The following NXPH1 variants were observed in gnomAD, a reference collection of about 807,000 sequenced individuals.
NXPH1 encodes the protein neurexophilin-1.
In NXPH1, 5 loss-of-function variants were observed where a neutral mutation model predicts 23.7. The ratio of observed to expected loss-of-function variants is 0.21; its 90% CI spans 0.11 to 0.44. The LOEUF is 0.44. Ranked by LOEUF, NXPH1 falls within the 20% of genes least tolerant of loss-of-function variation. The probability of loss-of-function intolerance (pLI) is 0.99; values close to 1 mark genes in which losing one functional copy is unlikely to be tolerated. For synonymous variants in NXPH1, 144 were observed against 122.2 expected, an observed-to-expected ratio of 1.18 and a Z score of -1.18; for missense variants, 324 against 321.6, an observed-to-expected ratio of 1.01 and a Z score of -0.06.
At chr7:8,735,732 C>G (rs1189638182) in intron 2 of NXPH1, among the ~76,000 whole-genome samples, 2 of 152,084 alleles carry the variant, frequency 1.3e-5, no homozygotes, top group Admixed American at 1.3e-4. Flanking sequence ...CTCTTTGTAC[C>G]TCGGTAGAAT....
intron 2 of NXPH1, among the ~76,000 whole-genome samples, chr7:8,542,783 A>T (rs925237335): frequency 2.0e-5 from 3 of 151,512 alleles, no homozygotes; most frequent in African/African-American, 7.3e-5. Context: ...ATTATGTTAG[A>T]TTATGCAAAA....
intron 2 of NXPH1, among the ~76,000 whole-genome samples, chr7:8,675,475 A>C (rs977969756): frequency 2.0e-5 from 3 of 151,986 alleles, no homozygotes; most frequent in Admixed American, 2.0e-4. Context: ...CTTTTTTCTT[A>C]AAGTTGATGA....
At chr7:8,623,684 T>TATTTTTTTTTTTTCTTTCTCTGCCCC (rs879750283) in intron 2 of NXPH1, among the ~76,000 whole-genome samples, 105 of 150,146 alleles carry the variant, frequency 7.0e-4, no homozygotes, top group African/African-American at 9.1e-4. Flanking sequence ...AAGTTCTTAT[T>TATTTTTTTTTTTTCTTTCTCTGCCCC]TTTAAGAGAT....
At chr7:8,471,513 T>C (rs1816871572) in intron 2 of NXPH1, among the ~76,000 whole-genome samples, 1 of 152,144 alleles carries the variant, frequency 6.6e-6, no homozygotes, top group African/African-American at 2.4e-5. Flanking sequence ...GCTTTGGAAA[T>C]GGGTTGTAAA....
rs1816309653 is a variant in NXPH1 at position 8,442,030 on chromosome 7, A to G, written c.54+6263A>G. 6.6e-6 allele frequency among the ~76,000 whole-genome samples: 1 copy of G among 152,066 alleles called. No individual in the cohort carries two copies. The highest frequency in any genetic ancestry group is 2.4e-5 in the African/African-American group (1 of 41,394). ...CAGGGGTTCGGGGTGGTGGAAAGCG[A>G]GATGGCGTTGGGAGCCAGGGCGTTG... On this transcript the variant is annotated intron_variant, in intron 2 of 2. Coordinates refer to ENST00000405863, the MANE Select transcript of NXPH1 (RefSeq NM_152745.3). The surrounding 1 kb of genome is among the most constrained non-coding windows in gnomAD (Gnocchi z 4.6).
chr7:8,541,904 G>A (rs1293340355), intron 2 of NXPH1, among the ~76,000 whole-genome samples: 1 of 151,420 alleles, frequency 6.6e-6, no homozygotes, highest in African/African-American at 2.4e-5. Flanking sequence ...AAAATATTTA[G>A]TTAATCCAAA....
intron 2 of NXPH1, among the ~76,000 whole-genome samples, chr7:8,645,468 T>C (rs1820383153): frequency 6.6e-6 from 1 of 152,106 alleles, no homozygotes. Flanking sequence ...TGTGATATTC[T>C]CCTTTATATT....
At chr7:8,630,937 C>G (rs28417968) in intron 2 of NXPH1, among the ~76,000 whole-genome samples, 41,859 of 152,040 alleles carry the variant, frequency 0.28, 6,228 homozygotes, top group African/African-American at 0.35. Flanking sequence ...ACCCTCCACC[C>G]TCTGAAAGGC....
intron 2 of NXPH1, among the ~76,000 whole-genome samples, chr7:8,626,965 C>G (rs1235507626): frequency 6.6e-6 from 1 of 152,106 alleles, no homozygotes; most frequent in Non-Finnish European, 1.5e-5. Context: ...GGACAAAGAG[C>G]CTCTCTGGGT....
intron 2 of NXPH1, among the ~76,000 whole-genome samples, chr7:8,630,423 C>CA (rs1171521273): frequency 6.6e-6 from 1 of 152,068 alleles, no homozygotes; most frequent in Non-Finnish European, 1.5e-5. Flanking sequence ...TGGGAGCTCC[C>CA]AAGTTGCAAT....
chr7:8,722,905 G>T (rs1055126402), intron 2 of NXPH1, among the ~76,000 whole-genome samples: 2 of 152,110 alleles, frequency 1.3e-5, no homozygotes, highest in Admixed American at 1.3e-4. Context: ...TTTAGTGATT[G>T]TAACTCTCAA....
intron 2 of NXPH1, among the ~76,000 whole-genome samples, chr7:8,715,470 T>C (rs969147164): frequency 1.3e-5 from 2 of 152,116 alleles, no homozygotes; most frequent in Non-Finnish European, 2.9e-5. Flanking sequence ...GGGAGGACAA[T>C]TGGGTGTCAG....
At chr7:8,495,282 A>T (rs190315985) in intron 2 of NXPH1, among the ~76,000 whole-genome samples, 1 of 151,870 alleles carries the variant, frequency 6.6e-6, no homozygotes, top group Non-Finnish European at 1.5e-5. Flanking sequence ...TTTGCTCTTA[A>T]GGCCTTCAAC....
At chr7:8,660,402 G>C (rs4720787) in intron 2 of NXPH1, among the ~76,000 whole-genome samples, 111,375 of 152,050 alleles carry the variant, frequency 0.73, 41,200 homozygotes, top group East Asian at 1. Flanking sequence ...ACGGGTGAAA[G>C]TTTTGAAAAG....
intron 2 of NXPH1, among the ~76,000 whole-genome samples, chr7:8,503,098 G>A (rs78339492): frequency 0.016 from 2,402 of 152,194 alleles, 63 homozygotes; most frequent in African/African-American, 0.055. Context: ...AGCTGGCAAA[G>A]AGAAATATTT....
chr7:8,567,586 A>C (rs990193995), intron 2 of NXPH1, among the ~76,000 whole-genome samples: 14 of 152,066 alleles, frequency 9.2e-5, no homozygotes, highest in South Asian at 2.1e-4. Flanking sequence ...TAAAGAAAAA[A>C]CATGAAACTA....
At chr7:8,554,048 A>C (rs1262245730) in intron 2 of NXPH1, among the ~76,000 whole-genome samples, 2 of 151,668 alleles carry the variant, frequency 1.3e-5, no homozygotes, top group African/African-American at 4.8e-5. Context: ...GTTTTAATCT[A>C]CTGTGCTGTA....
intron 2 of NXPH1, among the ~76,000 whole-genome samples, chr7:8,499,072 T>C (rs1366616028): frequency 6.6e-6 from 1 of 152,082 alleles, no homozygotes; most frequent in Non-Finnish European, 1.5e-5. Flanking sequence ...GGTAAGATGA[T>C]GCGAGGCACT....
At chr7:8,452,725 A>G (rs1816528800) in intron 2 of NXPH1, among the ~76,000 whole-genome samples, 3 of 152,142 alleles carry the variant, frequency 2.0e-5, no homozygotes, top group Admixed American at 1.3e-4. Flanking sequence ...TCCTAAAGAC[A>G]TATCTCAGTT....
Sources: allele counts gnomAD v4.1 joint callset (sites outside exome capture counted in the v4.1 genomes callset), GRCh38; gene constraint gnomAD v4.1.1; non-coding constraint Gnocchi (gnomAD v3.1); transcripts MANE v1.5; gene names NCBI Gene and HGNC (gene_info 2026-07-23, HGNC 2026-07-21).